Variants in MYH9 observed in about 807,000 individuals in gnomAD.
MYH9 encodes myosin heavy chain 9.
In MYH9, 29 loss-of-function variants were observed where a neutral mutation model predicts 241.9. The ratio of observed to expected loss-of-function variants is 0.12; its 90% CI spans 0.09 to 0.16. The LOEUF (loss-of-function observed/expected upper bound fraction) is 0.16, where lower values mean the gene tolerates loss of function less well. MYH9 is among the 10% of genes least tolerant of loss of function. The probability of loss-of-function intolerance (pLI) is 1.00; values close to 1 mark genes in which losing one functional copy is unlikely to be tolerated. For synonymous variants in MYH9, 1,047 were observed against 1,062.6 expected, an observed-to-expected ratio of 0.99 and a Z score of 0.29; for missense variants, 1,803 against 2,595.5, an observed-to-expected ratio of 0.69 and a Z score of 6.63.
At chr22:36,344,153 C>T (rs529195089) in intron 2 of MYH9, among the ~76,000 whole-genome samples, 1 of 152,382 alleles carries the variant, frequency 6.6e-6, no homozygotes, top group South Asian at 2.1e-4. Context: ...AGCACTGAGG[C>T]TCAGGTGGGA....
At chr22:36,303,695 G>A (rs1182948996) in intron 19 of MYH9, among the ~76,000 whole-genome samples, 2 of 147,174 alleles carry the variant, frequency 1.4e-5, no homozygotes, top group South Asian at 2.1e-4. Context: ...TGAGGCAGGA[G>A]AATCACTTGA....
chr22:36,352,142 G>A (rs2017774260), intron 1 of MYH9, among the ~76,000 whole-genome samples: 1 of 152,190 alleles, frequency 6.6e-6, no homozygotes, highest in Non-Finnish European at 1.5e-5. Context: ...GGGGTCCCTC[G>A]GAAGCCAGGC....
intron 3 of MYH9, among the ~76,000 whole-genome samples, chr22:36,340,304 T>G (rs1209601945): frequency 6.6e-6 from 1 of 151,958 alleles, no homozygotes; most frequent in Admixed American, 6.6e-5. Flanking sequence ...TCAAGTGATT[T>G]GATCACATTT....
chr22:36,314,640 G>GTTTTTTTT (rs371769551), intron 12 of MYH9, among the ~76,000 whole-genome samples: 3 of 149,922 alleles, frequency 2.0e-5, no homozygotes, highest in Non-Finnish European at 3.0e-5. Flanking sequence ...GTAATACATT[G>GTTTTTTTT]TTTTTTTTTT....
At chr22:36,382,213 G>C (rs1368088903) in intron 1 of MYH9, among the ~76,000 whole-genome samples, 1 of 152,130 alleles carries the variant, frequency 6.6e-6, no homozygotes, top group Admixed American at 6.5e-5. Flanking sequence ...GGTGGCTCAC[G>C]CCTGTAATCC....
At chr22:36,382,203 G>A (rs1275887248) in intron 1 of MYH9, among the ~76,000 whole-genome samples, 4 of 152,130 alleles carry the variant, frequency 2.6e-5, no homozygotes, top group South Asian at 2.1e-4. Flanking sequence ...GGCCAGGTGC[G>A]GTGGCTCACG....
chr22:36,325,203 A>C (rs1484165765), intron 5 of MYH9: 2 of 693,138 alleles, frequency 2.9e-6, no homozygotes, highest in Non-Finnish European at 5.3e-6. Context: ...ACAGAAGAAA[A>C]GAAACTGTAT....
At chr22:36,322,627 C>T (rs1051122681) in intron 5 of MYH9, 106 bp from the exon 6 acceptor site, 9 of 1,122,898 alleles carry the variant, frequency 8.0e-6, no homozygotes, top group South Asian at 1.3e-5. Flanking sequence ...GCATGTCCAA[C>T]GTGCCAGGAA....
At chr22:36,287,611 G>A (rs535173854) in intron 34 of MYH9, among the ~76,000 whole-genome samples, 3 of 152,246 alleles carry the variant, frequency 2.0e-5, no homozygotes, top group South Asian at 4.1e-4. Flanking sequence ...GCGTGGCGGC[G>A]TGCGCCTGTA....
At chr22:36,336,951 C>T (rs982643411) in intron 3 of MYH9, among the ~76,000 whole-genome samples, 5 of 152,222 alleles carry the variant, frequency 3.3e-5, no homozygotes, top group Admixed American at 6.5e-5. Flanking sequence ...CCTACCTCCA[C>T]GGCCTAATCC....
At position 36,282,615 on chromosome 22, in the gene MYH9, G is replaced by A. The variant is rs779958236; in HGVS notation, c.*53C>T. The A allele has an allele frequency of 1.3e-6, 2 of 1,535,892 alleles. No homozygotes were observed. Among genetic ancestry groups the A allele is most frequent in the Non-Finnish European group, 1.8e-6 (2 of 1,111,238 alleles). On this transcript the variant is annotated 3_prime_UTR_variant, in exon 41 of 41. Transcript: ENST00000216181. ...GAGGCGTGCTGCGGGGTCTGGGAAG[G>A]GGAGGCTGTGGTGTCTGTCTGTCCA...
intron 3 of MYH9, 68 bp from the exon 4 acceptor site, chr22:36,327,556 A>T: frequency 6.3e-7 from 1 of 1,582,740 alleles, no homozygotes; most frequent in Non-Finnish European, 8.7e-7. Context: ...GCTCCCAAAG[A>T]GCTGCCCGTT....
chr22:36,384,614 A>G (rs1177810334), intron 1 of MYH9, among the ~76,000 whole-genome samples: 3 of 18,664 alleles, frequency 1.6e-4, no homozygotes, highest in African/African-American at 7.2e-4. Context: ...AAAAAAAAAT[A>G]TATATATATA....
chr22:36,301,086 T>A, intron 21 of MYH9, 29 bp from the exon 22 acceptor site: 1 of 1,596,424 alleles, frequency 6.3e-7, no homozygotes, highest in East Asian at 2.2e-5. Flanking sequence ...AAACACAAGC[T>A]CCTCGCAACA....
chr22:36,348,621 G>A (rs981285332), intron 2 of MYH9, among the ~76,000 whole-genome samples: 1 of 152,108 alleles, frequency 6.6e-6, no homozygotes, highest in Non-Finnish European at 1.5e-5. Flanking sequence ...GCCAGTGGGT[G>A]GCCATCCCTC....
At chr22:36,301,104 G>A (rs1334378809) in intron 21 of MYH9, 47 bp from the exon 22 acceptor site, 1 of 1,565,978 alleles carries the variant, frequency 6.4e-7, no homozygotes, top group East Asian at 2.2e-5. Context: ...ACACCCTCAA[G>A]CCACTCCATC....
At chr22:36,338,715 G>C (rs1408527866) in intron 3 of MYH9, among the ~76,000 whole-genome samples, 1 of 151,936 alleles carries the variant, frequency 6.6e-6, no homozygotes, top group African/African-American at 2.4e-5. Flanking sequence ...AGCTACTCAG[G>C]AGGCTGAGGC....
intron 1 of MYH9, among the ~76,000 whole-genome samples, chr22:36,372,299 G>A (rs1000362352): frequency 2.0e-5 from 3 of 152,054 alleles, no homozygotes; most frequent in African/African-American, 7.2e-5. Flanking sequence ...ACCAGCCTGG[G>A]TAACATAGCA....
At chr22:36,321,874 A>G in intron 6 of MYH9, 53 bp from the exon 7 acceptor site, 1 of 1,509,208 alleles carries the variant, frequency 6.6e-7, no homozygotes, top group Non-Finnish European at 9.2e-7. Flanking sequence ...ATGGGGAGCT[A>G]GAGAGCACGG....
Sources: allele counts gnomAD v4.1 joint callset (sites outside exome capture counted in the v4.1 genomes callset), GRCh38; gene constraint gnomAD v4.1.1; transcripts MANE v1.5; gene names NCBI Gene and HGNC (gene_info 2026-07-23, HGNC 2026-07-21).